The following PAX2 variants were observed in gnomAD, a reference collection of about 807,000 sequenced individuals.
The protein encoded by PAX2 is paired box 2.
In PAX2, 9 loss-of-function variants were observed where a neutral mutation model predicts 41.7. That is an observed-to-expected ratio of 0.22 (90% confidence interval 0.13 to 0.38). The LOEUF (loss-of-function observed/expected upper bound fraction) is 0.38, where lower values mean the gene tolerates loss of function less well. Among genes scored for constraint, PAX2 ranks in the 10% least tolerant of loss-of-function variants. The probability of loss-of-function intolerance (pLI) is 1.00; values close to 1 mark genes in which losing one functional copy is unlikely to be tolerated. For synonymous variants in PAX2, 221 were observed against 212.7 expected (o/e 1.04, Z -0.34); for missense variants, 418 against 531.6 (o/e 0.79, Z 2.10).
At chr10:100,809,295 T>C (rs1847911867) in intron 7 of PAX2, 59 bp downstream of exon 7, 10 of 1,543,654 alleles carry the variant, frequency 6.5e-6, no homozygotes, top group Non-Finnish European at 8.9e-6. Context: ...CCTCAGCCCA[T>C]GCCATCTGAG....
At chr10:100,749,041 G>T (rs1386428777) in intron 1 of PAX2, 6 of 985,346 alleles carry the variant, frequency 6.1e-6, no homozygotes, top group Middle Eastern at 5.2e-4. Context: ...TGCCTCATCC[G>T]CCTTCCTTGC....
upstream of PAX2, among the ~76,000 whole-genome samples, chr10:100,740,808 C>A (rs975782531): frequency 3.9e-5 from 6 of 152,016 alleles, no homozygotes; most frequent in African/African-American, 1.5e-4. Context: ...GGAGGCGGTA[C>A]AGGCTGTGTC....
intron 5 of PAX2, among the ~76,000 whole-genome samples, chr10:100,788,258 C>A (rs1027132635): frequency 2.0e-5 from 3 of 152,222 alleles, no homozygotes; most frequent in African/African-American, 7.2e-5. Flanking sequence ...CTCCTGGCCG[C>A]CCGCGATCGC....
chr10:100,816,654 A>G (rs1372347570), intron 7 of PAX2, among the ~76,000 whole-genome samples: 2 of 152,226 alleles, frequency 1.3e-5, no homozygotes, highest in Non-Finnish European at 2.9e-5. Context: ...CAGGGTAGCC[A>G]GAATCCCTTC....
At position 100,779,623 on chromosome 10, in the gene PAX2, C is replaced by T. The variant is rs776057750; in HGVS notation, c.496+40C>T. ...GGAAGGGGAGGAAACCAGATCCCACCTAGAGAAAGGCAGGAAACGCAGCTC... is the reference window on the plus strand; with the variant it reads ...GGAAGGGGAGGAAACCAGATCCCACTTAGAGAAAGGCAGGAAACGCAGCTC... On this transcript the variant is annotated intron_variant, in intron 4 of 9. Coordinates refer to ENST00000355243, the MANE Select transcript of PAX2 (RefSeq NM_000278.5). 4.1e-6 allele frequency: 6 copies of T among 1,468,238 alleles called. 1 individual carries two copies. The South Asian group carries it at 7.3e-5, about 18-fold the overall frequency. 91.0% of individuals were successfully genotyped at this position (1,468,238 alleles called of 1,614,324 possible).
At chr10:100,735,798 A>T in intron 1 of PAX2, 8 of 962,396 alleles carry the variant, frequency 8.3e-6, no homozygotes, top group Admixed American at 5.9e-5. Flanking sequence ...GGGGGCGGCC[A>T]TGGCCGGGGC....
intron 7 of PAX2, among the ~76,000 whole-genome samples, chr10:100,813,574 C>G (rs902313821): frequency 6.6e-6 from 1 of 152,106 alleles, no homozygotes; most frequent in Non-Finnish European, 1.5e-5. Context: ...AAGCAAGGAA[C>G]AGAACAGGGA....
intron 7 of PAX2, among the ~76,000 whole-genome samples, chr10:100,820,647 G>A (rs1225977194): frequency 1.3e-5 from 2 of 152,226 alleles, no homozygotes; most frequent in Non-Finnish European, 2.9e-5. Context: ...CCAGGAGGCG[G>A]AGGTTGCAGT....
Position 100,748,205 on chromosome 10 carries a change from A to G in PAX2, c.44-1541A>G, listed in dbSNP as rs530388494. The G allele has an allele frequency of 2.7e-4, 267 of 984,768 alleles. 3 individuals are homozygous for G. The African/African-American group carries it at 4.3e-3, about 16-fold the overall frequency. The allele number at this position is 984,768 out of a possible 1,614,324, so 61.0% of individuals were successfully genotyped here. ...CGGGGAGGCTGAATTATTCATCTTT[A>G]ATCTGCCCGCAGCTGCCGCCTTTTC... On this transcript the variant is annotated intron_variant, in intron 1 of 9. Coordinates refer to ENST00000355243, the MANE Select transcript of PAX2 (RefSeq NM_000278.5). This position sits in a 1 kb window ranked among gnomAD's most constrained non-coding sequence, Gnocchi z 5.0.
At chr10:100,757,432 A>G (rs955707103) in intron 3 of PAX2, among the ~76,000 whole-genome samples, 6 of 152,258 alleles carry the variant, frequency 3.9e-5, no homozygotes, top group Admixed American at 1.3e-4. Context: ...GTAACACTCT[A>G]TAGTCCAGTT....
rs141576824 is a variant in PAX2, at chr10:100,749,819, G to T, written c.117G>T (p.Gln39His). 20 of 1,611,592 alleles carry T rather than the reference G, an allele frequency of 1.2e-5. No homozygotes were observed. In the African/African-American group the frequency reaches 2.5e-4, roughly 20 times the overall value. The change falls in exon 2 of 10, where the codon CAG becomes CAT. Residue 39 changes from glutamine (Q) to histidine (H), a missense_variant. Gln to His is a conservative substitution (Grantham distance 24, BLOSUM62 0). Transcript: ENST00000355243. ...GGCCCCTACCCGACGTGGTGAGGCA[G>T]CGCATCGTGGAGCTGGCCCACCAGG... ...NGRPLPDVVR[Q>H]RIVELAHQGV...
intron 1 of PAX2, chr10:100,746,951 C>T (rs1437970546): frequency 1.3e-5 from 2 of 152,422 alleles, no homozygotes; most frequent in Non-Finnish European, 2.9e-5. Flanking sequence ...ATATTTTCTT[C>T]CTCTTCCTTT....
chr10:100,742,775 C>T (rs997374428), upstream of PAX2, among the ~76,000 whole-genome samples: 1 of 148,886 alleles, frequency 6.7e-6, no homozygotes, highest in African/African-American at 2.5e-5. Context: ...GGTCGGAGCC[C>T]GGGTAGTGTT....
At position 100,745,706 on chromosome 10, in the gene PAX2, G is replaced by T. The variant is rs12249273; in HGVS notation, c.-555G>T. On this transcript the variant is annotated 5_prime_UTR_variant, in exon 1 of 10. Transcript: ENST00000355243. ...GCGGCGGCGTGCGCCTGCCTTTTCC[G>T]GGGGCGGGGGCCTGGCCCGCGCGCT... 9.4e-4 allele frequency: 876 copies of T among 935,318 alleles called. 9 individuals are homozygous for T. In the African/African-American group the frequency reaches 0.015, roughly 16 times the overall value. 57.9% of individuals were successfully genotyped at this position (935,318 alleles called of 1,614,324 possible). A position where few individuals can be genotyped will look rare whatever the true frequency, so the allele number is the denominator to read the frequency against.
In PAX2 at chr10:100,826,188, T is replaced by C. The variant is rs1848555198; in HGVS notation, c.1022-821T>C. ...TTTCCCTCCTCGTCAATAAACAGGC[T>C]TTCCAGTGGCTGCATCCCCCACCCC... On this transcript the variant is annotated intron_variant, in intron 8 of 9. Coordinates refer to ENST00000355243, the MANE Select transcript of PAX2 (RefSeq NM_000278.5). The surrounding 1 kb of genome is among the most constrained non-coding windows in gnomAD (Gnocchi z 5.5). Among the ~76,000 whole-genome samples the C allele has an allele frequency of 6.6e-6, 1 of 152,116 alleles. No homozygotes were observed. Among genetic ancestry groups the C allele is most frequent in the African/African-American group, 2.4e-5 (1 of 41,390 alleles).
intron 7 of PAX2, among the ~76,000 whole-genome samples, chr10:100,814,651 G>C (rs1848125836): frequency 6.6e-6 from 1 of 152,258 alleles, no homozygotes; most frequent in South Asian, 2.1e-4. Flanking sequence ...CTGAACATTA[G>C]AGAGCTAGAG....
rs1278280138 is a variant in PAX2, at chr10:100,826,465, G to A, written c.1022-544G>A. On this transcript the variant is annotated intron_variant, in intron 8 of 9. Coordinates refer to ENST00000355243, the MANE Select transcript of PAX2 (RefSeq NM_000278.5). This position sits in a 1 kb window ranked among gnomAD's most constrained non-coding sequence, Gnocchi z 5.5. Reference sequence around the variant, plus strand: ...CTCCATCCCCTGCCGCGTAGCCCACGCATCCAACCTCTTGAGGGAAAGGCG... The same window carrying A: ...CTCCATCCCCTGCCGCGTAGCCCACACATCCAACCTCTTGAGGGAAAGGCG... 4.6e-5 allele frequency among the ~76,000 whole-genome samples: 7 copies of A among 152,196 alleles called. No individual in the cohort carries two copies. Among genetic ancestry groups the A allele is most frequent in the African/African-American group, 1.7e-4 (7 of 41,454 alleles).
intron 7 of PAX2, among the ~76,000 whole-genome samples, chr10:100,814,007 T>C (rs1417832355): frequency 1.3e-4 from 20 of 151,926 alleles, no homozygotes; most frequent in Admixed American, 1.3e-3. Context: ...CTGGGAACAA[T>C]AGAATAATCC....
At chr10:100,812,897 CTG>C (rs1324552939) in intron 7 of PAX2, among the ~76,000 whole-genome samples, 1 of 152,220 alleles carries the variant, frequency 6.6e-6, no homozygotes, top group Non-Finnish European at 1.5e-5. Context: ...AAGTCAGAGA[CTG>C]TGCAGTTCCA....
Sources: gnomAD v4.1 joint callset for allele counts (sites outside exome capture counted in the v4.1 genomes callset) on GRCh38, gnomAD v4.1.1 for gene constraint, Gnocchi (gnomAD v3.1) non-coding constraint, MANE v1.5 for transcripts, NCBI Gene and HGNC (gene_info 2026-07-23, HGNC 2026-07-21) for gene names.